The following LRP6 variants were observed in gnomAD, a reference collection of about 807,000 sequenced individuals.
The protein encoded by LRP6 is low-density lipoprotein receptor-related protein 6.
A neutral mutation model predicts 184.1 loss-of-function variants in LRP6; 43 were observed. That is an observed-to-expected ratio of 0.23 (90% CI 0.18 to 0.30). The LOEUF (loss-of-function observed/expected upper bound fraction) is 0.30, where lower values mean the gene tolerates loss of function less well. LRP6 is among the 10% of genes least tolerant of loss of function. The pLI is 1.00. For synonymous variants in LRP6, 719 were observed against 684.9 expected (o/e 1.05, Z -0.78); for missense variants, 1,571 against 2,005.3 (o/e 0.78, Z 4.14).
chr12:12,238,909 T>A (rs114529576), intron 2 of LRP6, among the ~76,000 whole-genome samples: 10 of 152,196 alleles, frequency 6.6e-5, no homozygotes, highest in East Asian at 3.9e-4. Flanking sequence ...TTCAATTTTT[T>A]AAAGTAATTC....
At chr12:12,191,260 A>G (rs1445986561) in intron 3 of LRP6, among the ~76,000 whole-genome samples, 1 of 152,182 alleles carries the variant, frequency 6.6e-6, no homozygotes, top group African/African-American at 2.4e-5. Context: ...TTCCAGACAA[A>G]GCGTCATACT....
At chr12:12,178,941 G>C (rs1290426698) in intron 7 of LRP6, among the ~76,000 whole-genome samples, 1 of 152,126 alleles carries the variant, frequency 6.6e-6, no homozygotes. Context: ...TCTAGAGTCT[G>C]AATTTTCTGT....
chr12:12,205,325 C>CAAAAAAAAAA lies in LRP6; in HGVS notation c.450-1926_450-1925insTTTTTTTTTT, dbSNP rs1334062234. 1.3e-3 allele frequency among the ~76,000 whole-genome samples: 34 copies of CAAAAAAAAAA among 26,234 alleles called. 3 individuals carry two copies. Among genetic ancestry groups the CAAAAAAAAAA allele is most frequent in the African/African-American group, 3.2e-3 (34 of 10,470 alleles). The allele number at this position is 26,234 out of a possible 152,430, so 17.2% of individuals were successfully genotyped here. ...CAACAGAATAAGACTCTGTCTCAAA[C>CAAAAAAAAAA]AAACAAAAAAAAAAAAAAAAAAAAA... On this transcript the variant is annotated intron_variant, in intron 2 of 22. Coordinates refer to ENST00000261349, the MANE Select transcript of LRP6 (RefSeq NM_002336.3).
chr12:12,219,852 C>G (rs1325950171), intron 2 of LRP6, among the ~76,000 whole-genome samples: 2 of 152,128 alleles, frequency 1.3e-5, no homozygotes, highest in African/African-American at 4.8e-5. Flanking sequence ...AAACCAACCC[C>G]GACTTTGAAA....
intron 19 of LRP6, among the ~76,000 whole-genome samples, chr12:12,128,120 C>G (rs1949698843): frequency 6.6e-6 from 1 of 152,192 alleles, no homozygotes; most frequent in Non-Finnish European, 1.5e-5. Flanking sequence ...CCACCCTCAC[C>G]ACTGCACTGA....
chr12:12,260,069 T>C (rs576555363), intron 1 of LRP6, among the ~76,000 whole-genome samples: 3 of 152,344 alleles, frequency 2.0e-5, no homozygotes, highest in South Asian at 2.1e-4. Flanking sequence ...AAAATAGTTA[T>C]GGCTGCAATC....
At position 12,214,989 on chromosome 12, in the gene LRP6, T is replaced by C. The variant is rs1052417362; in HGVS notation, c.450-11589A>G. ...CCTTAGTTCCTGTTTCTTTTACATT[T>C]CTTCCCTGCTATATGAACCCTTCGT... is the stretch of plus-strand genomic sequence containing the variant. On this transcript the variant is annotated intron_variant, in intron 2 of 22. Coordinates refer to ENST00000261349, the MANE Select transcript of LRP6 (RefSeq NM_002336.3). Among the ~76,000 whole-genome samples the C allele has an allele frequency of 3.9e-5, 6 of 152,328 alleles. No individual in the cohort carries two copies. In the South Asian group the frequency reaches 8.3e-4, roughly 21 times the overall value.
At chr12:12,239,994 T>TAA (rs201661075) in intron 2 of LRP6, among the ~76,000 whole-genome samples, 19 of 139,690 alleles carry the variant, frequency 1.4e-4, no homozygotes, top group East Asian at 6.2e-4. Flanking sequence ...GTTAAGATAT[T>TAA]AAAAAAAAAA....
rs777818288 is a variant in LRP6, at chr12:12,148,911, A to G, written c.3206+31T>C. 6 of 1,524,376 alleles carry G rather than the reference A, an allele frequency of 3.9e-6. No homozygotes were observed. In the South Asian group the frequency reaches 6.7e-5, roughly 17 times the overall value. 94.4% of individuals were successfully genotyped at this position (1,524,376 alleles called of 1,614,324 possible). ...AAGGGTGAGGAGAGTCTCAGAAGCC[A>G]CAGTATCTGAACGCCACTTTAGTAA... On this transcript the variant is annotated intron_variant, in intron 14 of 22. Transcript: ENST00000261349.
chr12:12,123,499 A>C (rs1028152179), intron 22 of LRP6, among the ~76,000 whole-genome samples: 1 of 152,218 alleles, frequency 6.6e-6, no homozygotes, highest in Non-Finnish European at 1.5e-5. Context: ...TTTGACTGAA[A>C]TGCTAGGAAA....
intron 14 of LRP6, among the ~76,000 whole-genome samples, chr12:12,148,092 C>A (rs1950034631): frequency 6.7e-6 from 1 of 149,946 alleles, no homozygotes; most frequent in Non-Finnish European, 1.5e-5. Context: ...ATATACATAT[C>A]TATTTATATA....
chr12:12,235,878 A>C (rs185610351), intron 2 of LRP6, among the ~76,000 whole-genome samples: 3 of 152,330 alleles, frequency 2.0e-5, no homozygotes, highest in African/African-American at 7.2e-5. Flanking sequence ...CAGAAAAAGG[A>C]CACAATGAGT....
At chr12:12,145,620 T>C (rs1949994810) in intron 15 of LRP6, among the ~76,000 whole-genome samples, 1 of 90,270 alleles carries the variant, frequency 1.1e-5, no homozygotes, top group African/African-American at 3.9e-5. Flanking sequence ...TCTTTTTTCT[T>C]TTTCTTTTTT....
chr12:12,163,475 A>T (rs981912470), intron 9 of LRP6, among the ~76,000 whole-genome samples: 2 of 151,950 alleles, frequency 1.3e-5, no homozygotes, highest in African/African-American at 4.9e-5. Flanking sequence ...TGGAAGAAGA[A>T]AAGATTATTC....
rs779277006 is a variant in LRP6, at chr12:12,144,498, G to A, written c.3397+2868C>T. 7.2e-5 allele frequency among the ~76,000 whole-genome samples: 11 copies of A among 152,228 alleles called. No individual in the cohort carries two copies. In the South Asian group the frequency reaches 1.2e-3, roughly 17 times the overall value. ...CATCTCTACAAAAATAAAATTAGCC[G>A]GGTGTGGTGGTGTGTGCCCATAGTC... On this transcript the variant is annotated intron_variant, in intron 15 of 22. Transcript: ENST00000261349.
At chr12:12,265,878 T>G (rs982146647) in intron 1 of LRP6, among the ~76,000 whole-genome samples, 1 of 152,090 alleles carries the variant, frequency 6.6e-6, no homozygotes, top group Non-Finnish European at 1.5e-5. Flanking sequence ...TCGAACAGCC[T>G]ATGCAATTTA....
intron 15 of LRP6, among the ~76,000 whole-genome samples, chr12:12,143,653 G>A (rs1341688962): frequency 6.6e-6 from 1 of 152,040 alleles, no homozygotes; most frequent in Non-Finnish European, 1.5e-5. Flanking sequence ...TCCAGTAAAT[G>A]ATGCTGAATC....
intron 1 of LRP6, among the ~76,000 whole-genome samples, chr12:12,247,235 G>A (rs1038817874): frequency 4.6e-5 from 7 of 152,122 alleles, no homozygotes; most frequent in African/African-American, 9.7e-5. Context: ...GAATACCCAC[G>A]AAACACTTAA....
chr12:12,212,500 C>G (rs1864239043), intron 2 of LRP6, among the ~76,000 whole-genome samples: 1 of 152,106 alleles, frequency 6.6e-6, no homozygotes, highest in African/African-American at 2.4e-5. Context: ...AAGCACCACC[C>G]TAAAATAGTG....
Sources: gnomAD v4.1 joint callset for allele counts (sites outside exome capture counted in the v4.1 genomes callset) on GRCh38, gnomAD v4.1.1 for gene constraint, MANE v1.5 for transcripts, NCBI Gene and HGNC (gene_info 2026-07-23, HGNC 2026-07-21) for gene names.